LRRC7: variants seen among roughly 807,000 people sequenced by gnomAD.
The protein encoded by LRRC7 is leucine rich repeat containing 7.
A neutral mutation model predicts 175.7 loss-of-function variants in LRRC7; 23 were observed. That is an observed-to-expected ratio of 0.13 (90% confidence interval 0.09 to 0.19). The LOEUF (loss-of-function observed/expected upper bound fraction) is 0.19, where lower values mean the gene tolerates loss of function less well. Ranked by LOEUF, LRRC7 falls within the 10% of genes least tolerant of loss-of-function variation. The pLI is 1.00. For synonymous variants in LRRC7, 685 were observed against 680.9 expected, an observed-to-expected ratio of 1.01 and a Z score of -0.09; for missense variants, 1,354 against 1,904.7, an observed-to-expected ratio of 0.71 and a Z score of 5.38.
rs866124517 is a variant in LRRC7 at position 70,129,011 on chromosome 1, C to T, written c.*7124C>T. Among the ~76,000 whole-genome samples the T allele has an allele frequency of 1.3e-4, 20 of 152,038 alleles. No individual in the cohort carries two copies. The South Asian group carries it at 2.1e-3, about 16-fold the overall frequency. ...CTGTAATCCCAGCACTTAGGGAGGC[C>T]GAGGCAGGTGGATCACTTGAGGTCA... On this transcript the variant is annotated 3_prime_UTR_variant, in exon 27 of 27. Transcript: ENST00000651989.
At chr1:69,717,814 G>A (rs1317314210) in intron 2 of LRRC7, among the ~76,000 whole-genome samples, 1 of 25,396 alleles carries the variant, frequency 3.9e-5, no homozygotes, top group African/African-American at 2.6e-4. Flanking sequence ...AAGAAAGAAA[G>A]AAAGAAAGAA....
intron 7 of LRRC7, among the ~76,000 whole-genome samples, chr1:69,910,133 A>G (rs888053027): frequency 6.6e-6 from 1 of 151,972 alleles, no homozygotes; most frequent in Non-Finnish European, 1.5e-5. Flanking sequence ...AGCTCCTTTA[A>G]GGACTTCTCT....
intron 9 of LRRC7, among the ~76,000 whole-genome samples, chr1:69,985,927 T>C (rs1035765989): frequency 6.6e-6 from 1 of 152,352 alleles, no homozygotes; most frequent in South Asian, 2.1e-4. Context: ...TTGTGAATAA[T>C]GCATCTGTGA....
At chr1:69,909,635 G>T (rs1035314100) in intron 7 of LRRC7, among the ~76,000 whole-genome samples, 5 of 152,186 alleles carry the variant, frequency 3.3e-5, no homozygotes, top group Non-Finnish European at 5.9e-5. Flanking sequence ...TCTGCTGAGA[G>T]ATCCGCTGTT....
At chr1:70,089,951 G>A in intron 25 of LRRC7, 132 bp downstream of exon 25, 1 of 592,376 alleles carries the variant, frequency 1.7e-6, no homozygotes, top group Admixed American at 3.6e-5. Context: ...AAGCCAATTA[G>A]AAACTTTTTC....
At chr1:69,677,447 T>A (rs745980205) in intron 1 of LRRC7, among the ~76,000 whole-genome samples, 65 of 151,826 alleles carry the variant, frequency 4.3e-4, no homozygotes, top group Non-Finnish European at 4.6e-4. Context: ...GTGGGATTAC[T>A]GGATCAAATG....
At chr1:70,044,850 A>G (rs1415099180) in intron 22 of LRRC7, among the ~76,000 whole-genome samples, 1 of 152,164 alleles carries the variant, frequency 6.6e-6, no homozygotes, top group African/African-American at 2.4e-5. Flanking sequence ...GTGGAAACCA[A>G]TGAGTCATTT....
intron 1 of LRRC7, among the ~76,000 whole-genome samples, chr1:69,610,475 A>C (rs1648528785): frequency 1.3e-5 from 2 of 151,998 alleles, no homozygotes; most frequent in Non-Finnish European, 2.9e-5. Context: ...CCTTAGCCTG[A>C]AATTGATGAC....
chr1:69,919,382 C>A, intron 7 of LRRC7: 1 of 622,984 alleles, frequency 1.6e-6, no homozygotes, highest in South Asian at 2.1e-5. Flanking sequence ...AAACTGCCGC[C>A]TGGCTGGGAA....
intron 2 of LRRC7, among the ~76,000 whole-genome samples, chr1:69,744,697 T>C (rs1669070292): frequency 6.6e-6 from 1 of 151,866 alleles, no homozygotes; most frequent in Admixed American, 6.6e-5. Context: ...ATTCTTGATC[T>C]AAGGCTTAGT....
At chr1:70,021,721 A>T (rs1324423103) in intron 16 of LRRC7, among the ~76,000 whole-genome samples, 2 of 152,178 alleles carry the variant, frequency 1.3e-5, no homozygotes, top group African/African-American at 4.8e-5. Context: ...GTATGTTTTA[A>T]AAGATCTTTT....
In LRRC7 at chr1:70,108,740, CAT is replaced by C. The variant is rs543544604; in HGVS notation, c.4620+915_4620+916del. On this transcript the variant is annotated intron_variant, in intron 26 of 26. Coordinates refer to ENST00000651989, the MANE Select transcript of LRRC7 (RefSeq NM_001370785.2). ...ATTTAGATTCACTGAGAAGACAAGA[CAT>C]GTGAAAAGAACCTTAGATCAGCTAT... is the stretch of plus-strand genomic sequence containing the variant. Among the ~76,000 whole-genome samples the C allele has an allele frequency of 1.2e-4, 19 of 152,182 alleles. No homozygotes were observed. In the East Asian group the frequency reaches 2.9e-3, roughly 23 times the overall value.
At chr1:69,647,755 T>C (rs1485111363) in intron 1 of LRRC7, among the ~76,000 whole-genome samples, 1 of 152,168 alleles carries the variant, frequency 6.6e-6, no homozygotes, top group East Asian at 1.9e-4. Flanking sequence ...CAATCATACA[T>C]GTTTCTTAAT....
chr1:69,611,639 C>T (rs756987267), intron 1 of LRRC7, among the ~76,000 whole-genome samples: 7 of 151,988 alleles, frequency 4.6e-5, no homozygotes, highest in Non-Finnish European at 8.8e-5. Context: ...ATAACTCATG[C>T]CTGAATCAAG....
chr1:69,933,352 A>T (rs1433389404), intron 8 of LRRC7, among the ~76,000 whole-genome samples: 3 of 152,210 alleles, frequency 2.0e-5, no homozygotes, highest in Non-Finnish European at 4.4e-5. Flanking sequence ...AGGAATTTTT[A>T]AAGGAGATAT....
At chr1:69,867,001 G>C (rs577759241) in intron 7 of LRRC7, among the ~76,000 whole-genome samples, 1 of 151,938 alleles carries the variant, frequency 6.6e-6, no homozygotes, top group Non-Finnish European at 1.5e-5. Flanking sequence ...TGAGACACTG[G>C]AATAAATAAA....
At chr1:69,641,878 C>T (rs1654268276) in intron 1 of LRRC7, among the ~76,000 whole-genome samples, 1 of 151,556 alleles carries the variant, frequency 6.6e-6, no homozygotes, top group South Asian at 2.1e-4. Context: ...TAAAATTATT[C>T]AAGTAGTCAA....
At chr1:69,954,889 C>G (rs1425211788) in intron 8 of LRRC7, among the ~76,000 whole-genome samples, 1 of 152,012 alleles carries the variant, frequency 6.6e-6, no homozygotes, top group East Asian at 1.9e-4. Context: ...TAGTTATTAG[C>G]AATCTACTGC....
intron 1 of LRRC7, among the ~76,000 whole-genome samples, chr1:69,602,660 A>G (rs1647125783): frequency 6.6e-6 from 1 of 152,120 alleles, no homozygotes; most frequent in East Asian, 1.9e-4. Context: ...AGAAGTTTGA[A>G]ATTATGATGT....
Sources: allele counts gnomAD v4.1 joint callset (sites outside exome capture counted in the v4.1 genomes callset), GRCh38; gene constraint gnomAD v4.1.1; transcripts MANE v1.5; gene names NCBI Gene and HGNC (gene_info 2026-07-23, HGNC 2026-07-21).